The following HS3ST3A1 variants were observed in gnomAD, a reference collection of about 807,000 sequenced individuals.
HS3ST3A1 encodes the protein heparan sulfate-glucosamine 3-sulfotransferase 3A1.
HS3ST3A1 carries 19 observed loss-of-function variants against 25.7 expected under a neutral mutation model. That is an observed-to-expected ratio of 0.74 (90% CI 0.52 to 1.08). The LOEUF (loss-of-function observed/expected upper bound fraction) is 1.08. Among genes scored for constraint, HS3ST3A1 ranks in the 50% least tolerant of loss-of-function variants. The probability of loss-of-function intolerance (pLI) is 0.00; values close to 1 mark genes in which losing one functional copy is unlikely to be tolerated. For synonymous variants in HS3ST3A1, 226 were observed against 278.6 expected (o/e 0.81, Z 1.88); for missense variants, 459 against 594.3 (o/e 0.77, Z 2.37).
chr17:13,596,980 A>G (rs1023766514), intron 1 of HS3ST3A1, among the ~76,000 whole-genome samples: 1 of 152,154 alleles, frequency 6.6e-6, no homozygotes, highest in Non-Finnish European at 1.5e-5. Flanking sequence ...TCAGGGGAGC[A>G]CTAGCTCCTA....
At chr17:13,552,874 C>T (rs1291859156) in intron 1 of HS3ST3A1, among the ~76,000 whole-genome samples, 2 of 152,072 alleles carry the variant, frequency 1.3e-5, no homozygotes, top group African/African-American at 2.4e-5. Flanking sequence ...ATTATTGGAG[C>T]CTTGAATAAA....
At chr17:13,561,017 C>G (rs1726310339) in intron 1 of HS3ST3A1, among the ~76,000 whole-genome samples, 1 of 152,174 alleles carries the variant, frequency 6.6e-6, no homozygotes, top group Admixed American at 6.5e-5. Flanking sequence ...CCATCTCCCT[C>G]ATTTCTGTTT....
intron 1 of HS3ST3A1, among the ~76,000 whole-genome samples, chr17:13,539,354 G>T (rs1177967673): frequency 6.6e-6 from 1 of 152,182 alleles, no homozygotes; most frequent in African/African-American, 2.4e-5. Context: ...AAATATGGGT[G>T]GGAGAAATAG....
chr17:13,533,437 T>C (rs900496246), intron 1 of HS3ST3A1, among the ~76,000 whole-genome samples: 7 of 151,754 alleles, frequency 4.6e-5, no homozygotes, highest in Non-Finnish European at 8.8e-5. Context: ...AGAGACTCTG[T>C]TTTCAATGAG....
rs191974506 is a variant in HS3ST3A1, at chr17:13,541,296, C to T, written c.600-44478G>A. Among the ~76,000 whole-genome samples, 336 of 152,248 alleles carry T rather than the reference C, an allele frequency of 2.2e-3. 1 individual carries two copies. Among genetic ancestry groups the T allele is most frequent in the African/African-American group, 1.9e-3 (80 of 41,552 alleles). On this transcript the variant is annotated intron_variant, in intron 1 of 1. Transcript: ENST00000284110. ...CCCAAGTGCCAGAGTGATTCACTGG[C>T]GGGTGATGCTGAGTAATCTTACTTT...
intron 1 of HS3ST3A1, among the ~76,000 whole-genome samples, chr17:13,579,526 C>T (rs548302499): frequency 6.6e-6 from 1 of 151,570 alleles, no homozygotes; most frequent in South Asian, 2.1e-4. Flanking sequence ...CATGGTGAAA[C>T]CCTGTCTCTA....
At chr17:13,500,173 A>G (rs1173028192) in intron 1 of HS3ST3A1, among the ~76,000 whole-genome samples, 2 of 152,216 alleles carry the variant, frequency 1.3e-5, no homozygotes, top group Non-Finnish European at 2.9e-5. Flanking sequence ...CATATAAAAC[A>G]AAAGGCAGGT....
At chr17:13,514,863 T>A (rs1010741678) in intron 1 of HS3ST3A1, among the ~76,000 whole-genome samples, 1 of 152,250 alleles carries the variant, frequency 6.6e-6, no homozygotes, top group Non-Finnish European at 1.5e-5. Context: ...TCAGTTTTGC[T>A]AAATGTTAAT....
At chr17:13,546,883 G>C (rs1907104248) in intron 1 of HS3ST3A1, among the ~76,000 whole-genome samples, 1 of 152,012 alleles carries the variant, frequency 6.6e-6, no homozygotes, top group Non-Finnish European at 1.5e-5. Flanking sequence ...AGGGAGAGCT[G>C]AGAAAAATGT....
At position 13,573,514 on chromosome 17, in the gene HS3ST3A1, C is replaced by T. The variant is rs558588851; in HGVS notation, c.599+27017G>A. The stretch of plus-strand genomic sequence containing the variant: ...ATCATTTATGATTCCTTTTTAGTCT[C>T]CTGAACCAACCAGAAATCGAAATCT... On this transcript the variant is annotated intron_variant, in intron 1 of 1. Coordinates refer to ENST00000284110, the MANE Select transcript of HS3ST3A1 (RefSeq NM_006042.3). Among the ~76,000 whole-genome samples the T allele has an allele frequency of 2.0e-5, 3 of 152,250 alleles. No homozygotes were observed. The South Asian group carries it at 6.2e-4, about 32-fold the overall frequency.
intron 1 of HS3ST3A1, among the ~76,000 whole-genome samples, chr17:13,586,643 G>A (rs553447539): frequency 2.0e-4 from 30 of 151,508 alleles, no homozygotes; most frequent in Admixed American, 1.6e-3. Flanking sequence ...CGAGGCGGGC[G>A]GATCACGAGG....
At chr17:13,536,737 T>C (rs1598418417) in intron 1 of HS3ST3A1, among the ~76,000 whole-genome samples, 2 of 152,228 alleles carry the variant, frequency 1.3e-5, no homozygotes, top group African/African-American at 4.8e-5. Flanking sequence ...TCTCTGGGCA[T>C]GTAACCCATG....
chr17:13,510,708 ATT>A (rs10709522), intron 1 of HS3ST3A1, among the ~76,000 whole-genome samples: 123 of 145,068 alleles, frequency 8.5e-4, no homozygotes, highest in East Asian at 2.8e-3. Context: ...AGTGTCCTTG[ATT>A]TTTTTTTTTT....
intron 1 of HS3ST3A1, among the ~76,000 whole-genome samples, chr17:13,498,462 C>T (rs779215204): frequency 2.6e-5 from 4 of 152,194 alleles, no homozygotes; most frequent in Non-Finnish European, 5.9e-5. Flanking sequence ...ACTCCTTTTC[C>T]CCAAAGCCAG....
intron 1 of HS3ST3A1, among the ~76,000 whole-genome samples, chr17:13,500,370 C>T (rs1905430766): frequency 6.6e-6 from 1 of 152,158 alleles, no homozygotes; most frequent in South Asian, 2.1e-4. Context: ...TTGCACCAAC[C>T]TAATACTATG....
intron 1 of HS3ST3A1, among the ~76,000 whole-genome samples, chr17:13,560,757 A>G (rs1052920909): frequency 6.6e-6 from 1 of 152,182 alleles, no homozygotes; most frequent in Admixed American, 6.5e-5. Flanking sequence ...CCTGATAGAG[A>G]ATCTGGTTTG....
intron 1 of HS3ST3A1, among the ~76,000 whole-genome samples, chr17:13,588,992 A>G (rs1233384591): frequency 6.6e-6 from 1 of 152,150 alleles, no homozygotes; most frequent in Non-Finnish European, 1.5e-5. Context: ...TCAGACATTC[A>G]TGTCTTGTGA....
chr17:13,536,338 G>A (rs751149803), intron 1 of HS3ST3A1, among the ~76,000 whole-genome samples: 7 of 152,104 alleles, frequency 4.6e-5, no homozygotes, highest in Non-Finnish European at 1.0e-4. Flanking sequence ...AAAGTCAAGG[G>A]CTAATTTATG....
intron 1 of HS3ST3A1, among the ~76,000 whole-genome samples, chr17:13,512,320 A>AAAAAAAC (rs1905899072): frequency 6.6e-6 from 1 of 151,020 alleles, no homozygotes; most frequent in Non-Finnish European, 1.5e-5. Flanking sequence ...AAAAAAAAAA[A>AAAAAAAC]AAAAAAACTG....
Sources: gnomAD v4.1 joint callset for allele counts (sites outside exome capture counted in the v4.1 genomes callset) on GRCh38, gnomAD v4.1.1 for gene constraint, MANE v1.5 for transcripts, NCBI Gene and HGNC (gene_info 2026-07-23, HGNC 2026-07-21) for gene names.